Variants in SRFBP1 observed in about 807,000 individuals in gnomAD.
The protein encoded by SRFBP1 is serum response factor binding protein 1.
Under a neutral mutation model 45.5 loss-of-function variants are expected in SRFBP1, and 47 were observed. The observed-to-expected ratio is 1.03, with a 90% CI of 0.82 to 1.32. The LOEUF (loss-of-function observed/expected upper bound fraction) is 1.32, where lower values mean the gene tolerates loss of function less well. SRFBP1 is among the 40% of genes most tolerant of loss of function. The pLI, the probability that SRFBP1 is intolerant of heterozygous loss-of-function variation, is 0.00. For missense variants in SRFBP1, 621 were observed against 484.6 expected (o/e 1.28, Z -2.64); for synonymous variants, 203 against 166.3 (o/e 1.22, Z -1.70).
intron 2 of SRFBP1, among the ~76,000 whole-genome samples, chr5:122,035,380 C>G (rs936951013): frequency 5.3e-5 from 8 of 152,124 alleles, no homozygotes; most frequent in Non-Finnish European, 1.2e-4. Context: ...TTCATAGTCT[C>G]AAGTTAGCCC....
downstream of SRFBP1, among the ~76,000 whole-genome samples, chr5:122,029,724 C>G (rs114453554): frequency 3.2e-4 from 48 of 152,140 alleles, no homozygotes; most frequent in Non-Finnish European, 1.5e-5. Context: ...CTGTCAGTTA[C>G]GGTTATCCTT....
chr5:122,056,220 A>G (rs958497785), intron 2 of SRFBP1, among the ~76,000 whole-genome samples: 2 of 152,180 alleles, frequency 1.3e-5, no homozygotes, highest in East Asian at 1.9e-4. Flanking sequence ...ATGTCATAAG[A>G]ACTTGTCTGG....
intron 3 of SRFBP1, among the ~76,000 whole-genome samples, chr5:121,993,818 T>C (rs1232294337): frequency 2.0e-5 from 3 of 152,020 alleles, no homozygotes; most frequent in Admixed American, 2.0e-4. Flanking sequence ...TTATTTGAGG[T>C]AGTTTTATTT....
chr5:122,069,839 T>G, intron 2 of SRFBP1: 4 of 546,244 alleles, frequency 7.3e-6, no homozygotes, highest in South Asian at 6.4e-5. Flanking sequence ...TCCTGAAAAC[T>G]AAGCTTCTCC....
chr5:122,069,996 G>T, intron 2 of SRFBP1: 2 of 1,222,416 alleles, frequency 1.6e-6, no homozygotes, highest in Non-Finnish European at 2.4e-6. Context: ...TATAATGTTT[G>T]GCATGAACAA....
intron 3 of SRFBP1, among the ~76,000 whole-genome samples, chr5:121,988,438 A>T (rs1752559428): frequency 6.6e-6 from 1 of 152,260 alleles, no homozygotes; most frequent in Non-Finnish European, 1.5e-5. Flanking sequence ...GATTAAAATC[A>T]GCAAAAGGAA....
At chr5:121,998,327 A>G (rs1292393752) in intron 4 of SRFBP1, among the ~76,000 whole-genome samples, 1 of 150,076 alleles carries the variant, frequency 6.7e-6, no homozygotes, top group South Asian at 2.2e-4. Context: ...ATGGAATACT[A>G]TGCAGCCATA....
chr5:121,982,177 A>G (rs950078257), intron 3 of SRFBP1, among the ~76,000 whole-genome samples: 1 of 151,986 alleles, frequency 6.6e-6, no homozygotes, highest in African/African-American at 2.4e-5. Context: ...CTTCAAATTT[A>G]ATGTTTTAAA....
At chr5:121,986,648 C>T (rs775180335) in intron 3 of SRFBP1, among the ~76,000 whole-genome samples, 8 of 151,988 alleles carry the variant, frequency 5.3e-5, no homozygotes, top group Non-Finnish European at 1.0e-4. Context: ...GCCTACATAG[C>T]TTGTTTGAGA....
At chr5:122,024,574 GCCTTTTA>G (rs1753433952) in intron 7 of SRFBP1, among the ~76,000 whole-genome samples, 3 of 152,072 alleles carry the variant, frequency 2.0e-5, no homozygotes, top group Admixed American at 1.3e-4. Flanking sequence ...TATGGTCCAG[GCCTTTTA>G]CTCACATTTT....
chr5:122,077,530 A>C, downstream of SRFBP1: 1 of 1,613,764 alleles, frequency 6.2e-7, no homozygotes. The surrounding 1 kb of genome is among the most constrained non-coding windows in gnomAD (Gnocchi z 4.9). Flanking sequence ...TACTGAGCGC[A>C]GGAACTTCTC....
intron 2 of SRFBP1, among the ~76,000 whole-genome samples, chr5:122,068,077 TA>T (rs1430184929): frequency 1.3e-5 from 2 of 151,376 alleles, no homozygotes; most frequent in South Asian, 4.2e-4. Context: ...GATCACTAAT[TA>T]TAATTTCACT....
intron 2 of SRFBP1, among the ~76,000 whole-genome samples, chr5:122,053,845 G>GC (rs1754032374): frequency 6.6e-6 from 1 of 152,092 alleles, no homozygotes; most frequent in Admixed American, 6.5e-5. Flanking sequence ...GGAGTCACAT[G>GC]CCCTGCCACC....
At chr5:121,966,841 A>T (rs979422523) in intron 1 of SRFBP1, among the ~76,000 whole-genome samples, 2 of 150,572 alleles carry the variant, frequency 1.3e-5, no homozygotes, top group African/African-American at 4.9e-5. Context: ...GTGCAGTGGC[A>T]GGATCTTGGC....
At chr5:121,969,716 T>G (rs1317438766) in intron 1 of SRFBP1, among the ~76,000 whole-genome samples, 1 of 152,116 alleles carries the variant, frequency 6.6e-6, no homozygotes. Context: ...CCTTATAGAT[T>G]GTCTTAAATG....
In SRFBP1 at chr5:122,027,936, T is replaced by C. The variant is rs1427009475; in HGVS notation, c.*810T>C. On this transcript the variant is annotated 3_prime_UTR_variant, in exon 8 of 8. Transcript: ENST00000339397. Reference sequence around the variant, plus strand: ...TCCATTAAATCAAGAATGTATATTATCTAGTTTTTACTATACTTATTTTAA... The same window carrying C: ...TCCATTAAATCAAGAATGTATATTACCTAGTTTTTACTATACTTATTTTAA... 2 of 152,304 alleles carry C rather than the reference T, an allele frequency of 1.3e-5. No homozygotes were observed. The highest frequency in any genetic ancestry group is 2.4e-5 in the African/African-American group (1 of 41,562). The allele number at this position is 152,304 out of a possible 1,614,324, so 9.4% of individuals were successfully genotyped here.
chr5:122,063,341 G>T (rs1019748488), intron 2 of SRFBP1: 1 of 151,830 alleles, frequency 6.6e-6, no homozygotes, highest in African/African-American at 2.4e-5. Flanking sequence ...AAAGTTACAC[G>T]TCTTACAAAT....
In SRFBP1 at chr5:122,040,267, T is replaced by C. The variant is rs375829812; in HGVS notation, n.311+17860T>C. 2.6e-5 allele frequency among the ~76,000 whole-genome samples: 4 copies of C among 152,128 alleles called. No homozygotes were observed. In the East Asian group the frequency reaches 5.8e-4, roughly 22 times the overall value. On this transcript the variant is annotated intron_variant and non_coding_transcript_variant, in intron 2 of 2. Coordinates refer to the SRFBP1 transcript ENST00000504881. ...GATTTGCCAGTGTGAATTGGGCCTA[T>C]ACTATAGAATTGTAGAACAAATTAT...
chr5:121,976,353 T>A (rs112641303), intron 3 of SRFBP1, among the ~76,000 whole-genome samples: 4,147 of 151,978 alleles, frequency 0.027, 197 homozygotes, highest in African/African-American at 0.094. Context: ...TAACTTTTAT[T>A]TCTCAAGGTT....
Sources: gnomAD v4.1 joint callset for allele counts (sites outside exome capture counted in the v4.1 genomes callset) on GRCh38, gnomAD v4.1.1 for gene constraint, Gnocchi (gnomAD v3.1) non-coding constraint, MANE v1.5 for transcripts, NCBI Gene and HGNC (gene_info 2026-07-23, HGNC 2026-07-21) for gene names.